The following SLC25A48 variants were observed in gnomAD, a reference collection of about 807,000 sequenced individuals.
SLC25A48 encodes CTC-321K16.1.
A neutral mutation model predicts 32.2 loss-of-function variants in SLC25A48; 29 were observed. The ratio of observed to expected loss-of-function variants is 0.90; its 90% CI spans 0.67 to 1.23. The LOEUF is 1.23. Ranked by LOEUF, SLC25A48 falls within the 50% of genes most tolerant of loss-of-function variation. SLC25A48 has a pLI of 0.00. For missense variants in SLC25A48, 399 were observed against 422.7 expected (o/e 0.94, Z 0.49); for synonymous variants, 164 against 172.3 (o/e 0.95, Z 0.38).
chr5:135,811,149 C>A (rs1757582114), intron 3 of SLC25A48, among the ~76,000 whole-genome samples: 1 of 152,166 alleles, frequency 6.6e-6, no homozygotes, highest in African/African-American at 2.4e-5. Flanking sequence ...GACTTCCAAA[C>A]CCATGAAATG....
intron 6 of SLC25A48, chr5:135,875,737 G>C (rs1357794434): frequency 6.6e-6 from 1 of 152,306 alleles, no homozygotes; most frequent in African/African-American, 2.4e-5. Flanking sequence ...GGCAGTGAGC[G>C]AACAGTGAGA....
intron 3 of SLC25A48, among the ~76,000 whole-genome samples, chr5:135,706,941 T>C (rs181657865): frequency 2.8e-4 from 43 of 152,284 alleles, no homozygotes; most frequent in Non-Finnish European, 4.6e-4. Flanking sequence ...AACAGCTACT[T>C]GTTGACCAAA....
chr5:135,871,393 A>G, intron 4 of SLC25A48, 68 bp from the exon 5 acceptor site: 1 of 1,513,172 alleles, frequency 6.6e-7, no homozygotes, highest in Non-Finnish European at 8.9e-7. Context: ...GGCTGGCTCC[A>G]GTGTCACGGA....
intron 3 of SLC25A48, among the ~76,000 whole-genome samples, chr5:135,708,503 A>C (rs1322165224): frequency 6.6e-6 from 1 of 152,134 alleles, no homozygotes; most frequent in Non-Finnish European, 1.5e-5. Flanking sequence ...TTAAGCTATA[A>C]ATGTCTGAGA....
upstream of SLC25A48, among the ~76,000 whole-genome samples, chr5:135,829,761 A>C (rs1758156246): frequency 6.6e-6 from 1 of 151,928 alleles, no homozygotes; most frequent in South Asian, 2.1e-4. Context: ...AGGAGGCAGC[A>C]CTTTTTTTAA....
chr5:135,628,444 A>G (rs1262608938), intron 1 of SLC25A48, among the ~76,000 whole-genome samples: 4 of 152,096 alleles, frequency 2.6e-5, no homozygotes, highest in Non-Finnish European at 4.4e-5. Context: ...GGCTTTCCAT[A>G]TATCTGCTCA....
intron 1 of SLC25A48, among the ~76,000 whole-genome samples, chr5:135,619,546 T>C (rs893726839): frequency 6.6e-6 from 1 of 152,206 alleles, no homozygotes; most frequent in African/African-American, 2.4e-5. Context: ...GTATTGTGTT[T>C]CCTTTCTTTT....
chr5:135,779,578 C>T lies in SLC25A48; in HGVS notation c.-520-32945C>T, dbSNP rs372620957. 1.2e-4 allele frequency among the ~76,000 whole-genome samples: 8 copies of T among 65,238 alleles called. 3 individuals are homozygous for T. The highest frequency in any genetic ancestry group is 2.7e-4 in the African/African-American group (8 of 29,570). The allele number at this position is 65,238 out of a possible 152,430, so 42.8% of individuals were successfully genotyped here. A position where few individuals can be genotyped will look rare whatever the true frequency, so the allele number is the denominator to read the frequency against. ...AGGCGGGGAGAGGATGATATGACTC[C>T]AAGTATCTAAGGGATGTACACTCCC... On this transcript the variant is annotated intron_variant, in intron 3 of 10. Transcript: ENST00000646290.
rs2126851671 is a variant in SLC25A48, at chr5:135,888,041, A to G, written c.*17A>G. 1 of 1,551,572 alleles carries G rather than the reference A, an allele frequency of 6.4e-7. No homozygotes were observed. ...TGTTTGCTGTTTCCAGGAGGTGAAC[A>G]CAGGATGACTACAGTGTTCCCTGGG... On this transcript the variant is annotated 3_prime_UTR_variant, in exon 8 of 8. Coordinates refer to ENST00000681962, the MANE Select transcript of SLC25A48 (RefSeq NM_001349336.2).
intron 3 of SLC25A48, among the ~76,000 whole-genome samples, chr5:135,798,378 A>C (rs757247474): frequency 1.3e-5 from 2 of 151,704 alleles, no homozygotes; most frequent in Non-Finnish European, 2.9e-5. Flanking sequence ...TCTTACTCCC[A>C]ATATCATAGA....
intron 3 of SLC25A48, among the ~76,000 whole-genome samples, chr5:135,789,466 TG>T (rs1756963530): frequency 6.6e-6 from 1 of 151,378 alleles, no homozygotes. Context: ...AGGGAGAAGG[TG>T]GTATTACTTC....
At chr5:135,613,594 A>T (rs2126892842) in intron 1 of SLC25A48, among the ~76,000 whole-genome samples, 1 of 152,146 alleles carries the variant, frequency 6.6e-6, no homozygotes, top group Non-Finnish European at 1.5e-5. Context: ...TCTTGAGTTG[A>T]TTTTTGTACA....
At chr5:135,698,887 C>T (rs562203273) in intron 3 of SLC25A48, among the ~76,000 whole-genome samples, 75 of 152,232 alleles carry the variant, frequency 4.9e-4, no homozygotes, top group African/African-American at 1.6e-3. Context: ...AAAATGAGAA[C>T]GGAGATCTCA....
intron 3 of SLC25A48, among the ~76,000 whole-genome samples, chr5:135,638,251 A>C (rs1427016676): frequency 6.6e-6 from 1 of 152,258 alleles, no homozygotes; most frequent in Non-Finnish European, 1.5e-5. Flanking sequence ...TAAAACTGAT[A>C]TTAGTGAAAC....
chr5:135,876,463 A>G (rs1045760668), intron 6 of SLC25A48: 5 of 152,098 alleles, frequency 3.3e-5, no homozygotes, highest in Admixed American at 2.6e-4. Flanking sequence ...TCAAGATAAT[A>G]ATACTCAGCT....
intron 3 of SLC25A48, among the ~76,000 whole-genome samples, chr5:135,744,868 C>T (rs1755603663): frequency 6.6e-6 from 1 of 151,944 alleles, no homozygotes; most frequent in African/African-American, 2.4e-5. Flanking sequence ...ATAATGAAAC[C>T]CTGTCTCTAC....
At position 135,844,136 on chromosome 5, in the gene SLC25A48, C is replaced by T. The variant is rs558269746; in HGVS notation, c.90+1677C>T. 9.2e-5 allele frequency among the ~76,000 whole-genome samples: 14 copies of T among 152,326 alleles called. No homozygotes were observed. In the East Asian group the frequency reaches 2.5e-3, roughly 27 times the overall value. Reference sequence around the variant, plus strand: ...CCCTCCATGAGAGCTGGCTAGTTACCGTGCCCAGGCCTGGCTTCCCTAGCC... The same window carrying T: ...CCCTCCATGAGAGCTGGCTAGTTACTGTGCCCAGGCCTGGCTTCCCTAGCC... On this transcript the variant is annotated intron_variant, in intron 2 of 7. Transcript: ENST00000681962.
At chr5:135,862,027 G>GA (rs1760837335) in intron 4 of SLC25A48, among the ~76,000 whole-genome samples, 3 of 152,206 alleles carry the variant, frequency 2.0e-5, no homozygotes, top group Non-Finnish European at 2.9e-5. Flanking sequence ...AGGCACCTGT[G>GA]AAAAAACCCT....
intron 3 of SLC25A48, among the ~76,000 whole-genome samples, chr5:135,677,430 A>C (rs1753797191): frequency 6.6e-6 from 1 of 152,048 alleles, no homozygotes. Context: ...ATCCATTTAC[A>C]CTAAGGGTTA....
Sources: allele counts gnomAD v4.1 joint callset (sites outside exome capture counted in the v4.1 genomes callset), GRCh38; gene constraint gnomAD v4.1.1; transcripts MANE v1.5; gene names NCBI Gene and HGNC (gene_info 2026-07-23, HGNC 2026-07-21).